RASAL1: variants seen among roughly 807,000 people sequenced by gnomAD.
The protein encoded by RASAL1 is rasGAP-activating-like protein 1.
Under a neutral mutation model 96.6 loss-of-function variants are expected in RASAL1, and 72 were observed. The observed-to-expected ratio is 0.75, with a 90% CI of 0.62 to 0.91. The LOEUF (loss-of-function observed/expected upper bound fraction) is 0.91, where lower values mean the gene tolerates loss of function less well. Among genes scored for constraint, RASAL1 ranks in the 40% least tolerant of loss-of-function variants. RASAL1 has a pLI of 0.00. For synonymous variants in RASAL1, 405 were observed against 430.4 expected (o/e 0.94, Z 0.73); for missense variants, 1,016 against 1,072.5 (o/e 0.95, Z 0.74).
chr12:113,123,015 T>A (rs970936258), intron 4 of RASAL1, among the ~76,000 whole-genome samples: 4 of 152,236 alleles, frequency 2.6e-5, no homozygotes, highest in Non-Finnish European at 1.5e-5. Flanking sequence ...CCTTTAACTA[T>A]GAATAATCTG....
intron 19 of RASAL1, 136 bp downstream of exon 19, chr12:113,101,753 C>T (rs1950452830): frequency 3.4e-6 from 4 of 1,178,590 alleles, no homozygotes; most frequent in African/African-American, 3.1e-5. Flanking sequence ...CACCCAGTCC[C>T]CACCCTGGGC....
rs1316507593 is a variant in RASAL1, at chr12:113,127,859, A to G, written c.251T>C (p.Ile84Thr). 6 of 1,613,158 alleles carry G rather than the reference A, an allele frequency of 3.7e-6. No individual in the cohort carries two copies. Among genetic ancestry groups the G allele is most frequent in the Non-Finnish European group, 5.1e-6 (6 of 1,179,364 alleles). Residue 84 changes from isoleucine to threonine, a missense_variant, in exon 4 of 21, where the codon ATC becomes ACC. Coordinates refer to ENST00000548055, the MANE Select transcript of RASAL1 (RefSeq NM_001301202.2). ...DEDTVGHDDI[I>T]GKISLSREAI... ...CTCCCTGCTCAGCGAGATCTTGCCGATGATGTCGTCGTGCCTGCAGGAAGG... is the reference window on the plus strand; with the variant it reads ...CTCCCTGCTCAGCGAGATCTTGCCGGTGATGTCGTCGTGCCTGCAGGAAGG...
intron 5 of RASAL1, 91 bp from the exon 6 acceptor site, chr12:113,119,534 G>C (rs1951211963): frequency 1.6e-6 from 2 of 1,256,076 alleles, no homozygotes; most frequent in Non-Finnish European, 2.3e-6. Flanking sequence ...CAATGTCGCT[G>C]GTTTCCAAGG....
At position 113,112,239 on chromosome 12, in the gene RASAL1, C is replaced by A; in HGVS notation, c.1221G>T (p.Met407Ile). ...TCAGCAGCCCCAGGCTGGTCTCCCG[C>A]ATCTGCTCCTCCGAGAGTGCGCCTT... ...SFKGALSEEQ[M>I]RETSLGLLTG... Residue 407 changes from methionine (M) to isoleucine (I), a missense_variant, in exon 13 of 21, where the codon ATG becomes ATT. Physicochemically the swap from Met to Ile is conservative, Grantham distance 10. Coordinates refer to ENST00000548055, the MANE Select transcript of RASAL1 (RefSeq NM_001301202.2). The A allele has an allele frequency of 7.9e-7, 1 of 1,267,610 alleles. No homozygotes were observed. Among genetic ancestry groups the A allele is most frequent in the East Asian group, 3.0e-5 (1 of 32,848 alleles). The allele number at this position is 1,267,610 out of a possible 1,614,324, so 78.5% of individuals were successfully genotyped here.
In RASAL1 at chr12:113,117,157, TC is replaced by T; in HGVS notation, c.646del (p.Glu216SerfsTer37). 6.3e-7 allele frequency: 1 copy of T among 1,596,192 alleles called. No individual in the cohort carries two copies. The highest frequency in any genetic ancestry group is 1.7e-5 in the Admixed American group (1 of 59,180). ...VGKNDFLGMV[E>X]FSPKTLQQKP... ...CTGCTGGAGGGTCTTTGGAGAGAACTCCACCTTTTGAGAGAGACACACAGAC... is the reference window on the plus strand; with the variant it reads ...CTGCTGGAGGGTCTTTGGAGAGAACTCACCTTTTGAGAGAGACACACAGAC... On this transcript the variant is annotated frameshift_variant, in exon 8 of 21. Coordinates refer to ENST00000548055, the MANE Select transcript of RASAL1 (RefSeq NM_001301202.2). LOFTEE classifies it high-confidence loss of function.
intron 4 of RASAL1, among the ~76,000 whole-genome samples, chr12:113,124,217 CAAAAAAAAA>C (rs35190885): frequency 1.3e-4 from 13 of 98,360 alleles, no homozygotes; most frequent in Middle Eastern, 0.011. Flanking sequence ...GACTCTGTCT[CAAAAAAAAA>C]AAAAAAAAAA....
At position 113,130,718 on chromosome 12, in the gene RASAL1, G is replaced by A. The variant is rs968179003; in HGVS notation, c.122+167C>T. Among the ~76,000 whole-genome samples, 2 of 152,276 alleles carry A rather than the reference G, an allele frequency of 1.3e-5. No individual in the cohort carries two copies. The highest frequency in any genetic ancestry group is 2.4e-5 in the African/African-American group (1 of 41,554). On this transcript the variant is annotated intron_variant, in intron 2 of 20. Transcript: ENST00000548055. This position sits in a 1 kb window ranked among gnomAD's most constrained non-coding sequence, Gnocchi z 5.1. Reference sequence around the variant, plus strand: ...CCAGAGGGGGAAGGCAGGGCTGGTCGGGGAGAGGAGCTGGCAGTCCCAGCT... The same window carrying A: ...CCAGAGGGGGAAGGCAGGGCTGGTCAGGGAGAGGAGCTGGCAGTCCCAGCT...
chr12:113,103,993 G>A lies in RASAL1; in HGVS notation c.2057C>T (p.Ala686Val), dbSNP rs779641843. The stretch of plus-strand genomic sequence containing the variant: ...GCAGGTCCAGCGCGCGCTGCGGAAG[G>A]CACCGGGGTGGCAGGCGGCCAGCTT... Reference protein sequence around the residue: ...PNKLAACHPGAFRSARWTCCL... With the variant: ...PNKLAACHPGVFRSARWTCCL... Residue 686 changes from alanine (A) to valine (V), a missense_variant, in exon 18 of 21, where the codon GCC (alanine) becomes GTC (valine). By Grantham distance (64) the Ala-to-Val change is moderately conservative. Coordinates refer to ENST00000548055, the MANE Select transcript of RASAL1 (RefSeq NM_001301202.2). The A allele has an allele frequency of 1.7e-5, 26 of 1,570,450 alleles. No individual in the cohort carries two copies. Among genetic ancestry groups the A allele is most frequent in the African/African-American group, 1.3e-5 (1 of 74,152 alleles).
At position 113,099,953 on chromosome 12, in the gene RASAL1, C is replaced by A. The variant is rs368185324; in HGVS notation, c.2394G>T (p.Ala798=). ...EEFQQQERGK[A]ALGPLGP ...CTTAGGGGCCAAGGGGGCCCAGGGCCGCCTTCCCTCGCTCCTGCTGCTGGA... is the reference window on the plus strand; with the variant it reads ...CTTAGGGGCCAAGGGGGCCCAGGGCAGCCTTCCCTCGCTCCTGCTGCTGGA... Residue 798 remains alanine (A), a synonymous_variant, in exon 21 of 21, where the codon GCG becomes GCT. Transcript: ENST00000548055. 1.9e-6 allele frequency: 3 copies of A among 1,612,572 alleles called. No homozygotes were observed. Among genetic ancestry groups the A allele is most frequent in the Non-Finnish European group, 2.5e-6 (3 of 1,179,226 alleles).
chr12:113,115,724 A>G lies in RASAL1; in HGVS notation c.914T>C (p.Leu305Pro). 1 of 1,614,122 alleles carries G rather than the reference A, an allele frequency of 6.2e-7. No homozygotes were observed. The highest frequency in any genetic ancestry group is 8.5e-7 in the Non-Finnish European group (1 of 1,180,016). Residue 305 changes from leucine (L) to proline (P), a missense_variant, in exon 10 of 21, where the codon CTT becomes CCT. Leu to Pro is a moderately conservative substitution (Grantham distance 98). Coordinates refer to ENST00000548055, the MANE Select transcript of RASAL1 (RefSeq NM_001301202.2). The surrounding 1 kb of genome is among the most constrained non-coding windows in gnomAD (Gnocchi z 4.1). ...ELTLGDCRQDLATKLVKLFLG... is the reference protein window; with the variant it reads ...ELTLGDCRQDPATKLVKLFLG... ...AAAGAGTTTCACCAGCTTGGTGGCA[A>G]GGTCCTGGCGGCAGTCCCCCAAGGT...
chr12:113,128,232 A>C, intron 2 of RASAL1, 54 bp from the exon 3 acceptor site: 2 of 1,011,354 alleles, frequency 2.0e-6, no homozygotes, highest in Non-Finnish European at 3.1e-6. Context: ...GGAGGCAGAC[A>C]CCTGGAGACC....
chr12:113,103,945 C>T lies in RASAL1; in HGVS notation c.2104+1G>A. On this transcript the variant is annotated splice_donor_variant, in intron 18 of 20. Coordinates refer to ENST00000548055, the MANE Select transcript of RASAL1 (RefSeq NM_001301202.2). LOFTEE classifies it high-confidence loss of function. Reference sequence around the variant, plus strand: ...GCCTGCAGTCCGCCCTGCCCCCTCACCTGAGCGCTCAGCCTGGAGGCAGCA... The same window carrying T: ...GCCTGCAGTCCGCCCTGCCCCCTCATCTGAGCGCTCAGCCTGGAGGCAGCA... 6.4e-7 allele frequency: 1 copy of T among 1,553,968 alleles called. No homozygotes were observed. Among genetic ancestry groups the T allele is most frequent in the Non-Finnish European group, 8.7e-7 (1 of 1,152,118 alleles).
At position 113,115,605 on chromosome 12, in the gene RASAL1, G is replaced by A; in HGVS notation, c.1003+30C>T. 3 of 1,607,760 alleles carry A rather than the reference G, an allele frequency of 1.9e-6. No homozygotes were observed. The highest frequency in any genetic ancestry group is 2.5e-6 in the Non-Finnish European group (3 of 1,177,014). ...TCCTGCAAGCCCACCATTGAGGGCG[G>A]TGATGTCGGGGGTTGTGCGGGCAAC... On this transcript the variant is annotated intron_variant, in intron 10 of 20. Transcript: ENST00000548055. The surrounding 1 kb of genome is among the most constrained non-coding windows in gnomAD (Gnocchi z 4.1).
At chr12:113,134,686 C>T (rs528324514) in intron 1 of RASAL1, among the ~76,000 whole-genome samples, 6 of 152,338 alleles carry the variant, frequency 3.9e-5, no homozygotes, top group African/African-American at 4.8e-5. Context: ...GATTCAGCAG[C>T]TGCTGACTCA....
intron 12 of RASAL1, among the ~76,000 whole-genome samples, chr12:113,114,184 C>A (rs1950974366): frequency 6.6e-6 from 1 of 152,134 alleles, no homozygotes. Flanking sequence ...TTTAAAAAAT[C>A]TGATTATGCC....
Position 113,128,176 on chromosome 12 carries a change from G to C in RASAL1, c.125C>G (p.Thr42Arg), listed in dbSNP as rs1566069602. 6.2e-7 allele frequency: 1 copy of C among 1,612,126 alleles called. No individual in the cohort carries two copies. Among genetic ancestry groups the C allele is most frequent in the East Asian group, 2.2e-5 (1 of 44,864 alleles). The change falls in exon 3 of 21, where the codon ACA becomes AGA. Residue 42 changes from threonine to arginine, a missense_variant and splice_region_variant. Thr to Arg is a moderately conservative substitution (Grantham distance 71, BLOSUM62 -1). Transcript: ENST00000548055. ...VKVDDEVVAR[T>R]ATVWRSLGPF... ...GCCCAGGCTCCTCCAGACAGTAGCTGTCCTGCAAAAGGAGGTGCAGGGGGC... is the reference window on the plus strand; with the variant it reads ...GCCCAGGCTCCTCCAGACAGTAGCTCTCCTGCAAAAGGAGGTGCAGGGGGC...
intron 14 of RASAL1, 26 bp from the exon 15 acceptor site, chr12:113,107,267 G>C: frequency 6.4e-7 from 1 of 1,566,452 alleles, no homozygotes; most frequent in East Asian, 2.3e-5. Context: ...GAGGGATGCC[G>C]GGGCCAAGGT....
At chr12:113,126,820 G>A (rs1951500439) in intron 4 of RASAL1, among the ~76,000 whole-genome samples, 2 of 151,846 alleles carry the variant, frequency 1.3e-5, no homozygotes, top group Non-Finnish European at 2.9e-5. Flanking sequence ...TTAACTTTCT[G>A]TGCCTCAGTT....
chr12:113,105,634 G>C, intron 16 of RASAL1, 80 bp downstream of exon 16: 2 of 1,439,230 alleles, frequency 1.4e-6, no homozygotes, highest in Non-Finnish European at 1.9e-6. Flanking sequence ...GTGGGCCTCA[G>C]TTTCCCCCTG....
Sources: gnomAD v4.1 joint callset for allele counts (sites outside exome capture counted in the v4.1 genomes callset) on GRCh38, gnomAD v4.1.1 for gene constraint, Gnocchi (gnomAD v3.1) non-coding constraint, MANE v1.5 for transcripts, NCBI Gene and HGNC (gene_info 2026-07-23, HGNC 2026-07-21) for gene names.